THSD7B: variants seen among roughly 807,000 people sequenced by gnomAD.
The protein encoded by THSD7B is thrombospondin type-1 domain-containing protein 7B.
THSD7B carries 138 observed loss-of-function variants against 213.6 expected under a neutral mutation model. That is an observed-to-expected ratio of 0.65 (90% CI 0.56 to 0.74). THSD7B has a LOEUF of 0.74. Ranked by LOEUF, THSD7B falls within the 30% of genes least tolerant of loss-of-function variation. THSD7B has a pLI of 0.00. For synonymous variants in THSD7B, 742 were observed against 687.0 expected, an observed-to-expected ratio of 1.08 and a Z score of -1.25; for missense variants, 1,931 against 1,991.5, an observed-to-expected ratio of 0.97 and a Z score of 0.58.
At chr2:137,094,578 G>A (rs1688004973) in intron 3 of THSD7B, among the ~76,000 whole-genome samples, 1 of 151,508 alleles carries the variant, frequency 6.6e-6, no homozygotes, top group African/African-American at 2.4e-5. Flanking sequence ...AAACACAGCA[G>A]CCTAGAAGGA....
intron 10 of THSD7B, among the ~76,000 whole-genome samples, chr2:137,250,366 C>T (rs1281662016): frequency 6.6e-6 from 1 of 152,100 alleles, no homozygotes; most frequent in Non-Finnish European, 1.5e-5. Flanking sequence ...CATCACCTCA[C>T]CTGCCTAGAG....
intron 14 of THSD7B, among the ~76,000 whole-genome samples, chr2:137,413,375 G>A (rs1381650608): frequency 6.6e-6 from 1 of 152,166 alleles, no homozygotes; most frequent in African/African-American, 2.4e-5. Flanking sequence ...GTACAGTTAA[G>A]GAGAAGTCAG....
intron 4 of THSD7B, among the ~76,000 whole-genome samples, chr2:137,111,327 A>G (rs1228589971): frequency 6.6e-6 from 1 of 152,128 alleles, no homozygotes; most frequent in East Asian, 1.9e-4. Context: ...GTAGCTACCC[A>G]TTGTCTACTG....
At chr2:137,541,648 T>C (rs1466403034) in intron 15 of THSD7B, among the ~76,000 whole-genome samples, 1 of 151,722 alleles carries the variant, frequency 6.6e-6, no homozygotes, top group Non-Finnish European at 1.5e-5. Context: ...AGCTGTAATG[T>C]TAGACAAAGA....
chr2:136,790,806 G>T (rs990752160), intron 1 of THSD7B, among the ~76,000 whole-genome samples: 9 of 152,158 alleles, frequency 5.9e-5, no homozygotes, highest in African/African-American at 1.9e-4. Context: ...GCTACAAACT[G>T]TGTATTACCT....
At chr2:137,383,327 G>A (rs192041161) in intron 12 of THSD7B, among the ~76,000 whole-genome samples, 1 of 152,242 alleles carries the variant, frequency 6.6e-6, no homozygotes, top group East Asian at 1.9e-4. Flanking sequence ...GGAGTTATTT[G>A]CTCCCTGTAT....
chr2:137,225,230 G>A lies in THSD7B; in HGVS notation c.1724-5814G>A, dbSNP rs868839913. Among the ~76,000 whole-genome samples the A allele has an allele frequency of 3.9e-5, 6 of 152,018 alleles. No homozygotes were observed. The South Asian group carries it at 8.3e-4, about 21-fold the overall frequency. On this transcript the variant is annotated intron_variant, in intron 7 of 27. Transcript: ENST00000409968. ...TTCTATCACTTCCTCCCATCTCTTC[G>A]TTCTGAACTGTCTTTCATCTACTCA...
chr2:137,575,742 A>ATATATATATATATATATATTTTT (rs1235744133), intron 17 of THSD7B, among the ~76,000 whole-genome samples: 17 of 147,416 alleles, frequency 1.2e-4, no homozygotes, highest in African/African-American at 3.4e-4. Flanking sequence ...ATATATATAT[A>ATATATATATATATATATATTTTT]TTTTTACTTT....
chr2:137,405,843 G>C (rs1422480131), intron 13 of THSD7B, 36 bp downstream of exon 13: 8 of 1,551,366 alleles, frequency 5.2e-6, no homozygotes, highest in Non-Finnish European at 3.5e-6. Context: ...CATCAGGCAA[G>C]CTGAACATCT....
At chr2:137,489,829 A>G (rs1688564619) in intron 15 of THSD7B, among the ~76,000 whole-genome samples, 1 of 152,174 alleles carries the variant, frequency 6.6e-6, no homozygotes, top group Non-Finnish European at 1.5e-5. Context: ...TAGTTTAAAG[A>G]AAAAAACCTC....
intron 5 of THSD7B, among the ~76,000 whole-genome samples, chr2:137,140,714 A>G (rs1030732779): frequency 6.6e-6 from 1 of 152,176 alleles, no homozygotes; most frequent in Non-Finnish European, 1.5e-5. Flanking sequence ...CCATTTTATG[A>G]TAAGAACTGT....
intron 2 of THSD7B, among the ~76,000 whole-genome samples, chr2:136,944,814 C>T (rs56026660): frequency 0.041 from 6,237 of 151,026 alleles, 268 homozygotes; most frequent in African/African-American, 0.1. Context: ...CTGAATACAA[C>T]GCACTGATGG....
intron 15 of THSD7B, among the ~76,000 whole-genome samples, chr2:137,462,195 T>C (rs1318377803): frequency 6.6e-6 from 1 of 152,092 alleles, no homozygotes; most frequent in Non-Finnish European, 1.5e-5. Context: ...CTTTGTCCAG[T>C]GTCTCCATGC....
At chr2:137,295,524 A>G (rs1033908057) in intron 12 of THSD7B, among the ~76,000 whole-genome samples, 1 of 152,064 alleles carries the variant, frequency 6.6e-6, no homozygotes, top group African/African-American at 2.4e-5. Flanking sequence ...TTGCCAGGCT[A>G]GAGGGCAGTG....
intron 12 of THSD7B, among the ~76,000 whole-genome samples, chr2:137,317,367 G>A (rs570449539): frequency 1.2e-4 from 19 of 152,206 alleles, no homozygotes; most frequent in East Asian, 1.9e-4. Flanking sequence ...ATGATATGGC[G>A]TGTCTACACG....
At chr2:137,213,030 TAA>T (rs59100734) in intron 7 of THSD7B, among the ~76,000 whole-genome samples, 16 of 126,732 alleles carry the variant, frequency 1.3e-4, no homozygotes, top group Admixed American at 8.1e-5. Context: ...ATCTGTATGC[TAA>T]AAAAAAAAAA....
At chr2:136,911,702 G>A (rs1165911323) in intron 2 of THSD7B, among the ~76,000 whole-genome samples, 2 of 152,204 alleles carry the variant, frequency 1.3e-5, no homozygotes, top group Non-Finnish European at 2.9e-5. Flanking sequence ...CTTGAATAGA[G>A]CTAGTCTCTG....
chr2:137,233,289 TCAAA>T (rs1426285152), intron 9 of THSD7B, among the ~76,000 whole-genome samples, 156 bp downstream of exon 9: 8 of 152,310 alleles, frequency 5.3e-5, no homozygotes, highest in Admixed American at 1.3e-4. Context: ...AACATGTGCC[TCAAA>T]CAAAGATAAA....
chr2:137,579,857 C>G (rs13430352), intron 17 of THSD7B, among the ~76,000 whole-genome samples: 2,763 of 152,132 alleles, frequency 0.018, 76 homozygotes, highest in African/African-American at 0.064. Context: ...CCTTTATAAA[C>G]AAATGTCTTC....
Sources: allele counts gnomAD v4.1 joint callset (sites outside exome capture counted in the v4.1 genomes callset), GRCh38; gene constraint gnomAD v4.1.1; transcripts MANE v1.5; gene names NCBI Gene and HGNC (gene_info 2026-07-23, HGNC 2026-07-21).